The following CDH8 variants were observed in gnomAD, a reference collection of about 807,000 sequenced individuals.
CDH8 encodes the protein cadherin 8, also known as cadherin-8.
Under a neutral mutation model 68.1 loss-of-function variants are expected in CDH8, and 17 were observed. That is an observed-to-expected ratio of 0.25 (90% confidence interval 0.17 to 0.37). CDH8 has a LOEUF of 0.37. CDH8 is among the 10% of genes least tolerant of loss of function. The probability of loss-of-function intolerance (pLI) is 1.00; values close to 1 mark genes in which losing one functional copy is unlikely to be tolerated. For synonymous variants in CDH8, 372 were observed against 365.1 expected (o/e 1.02, Z -0.21); for missense variants, 763 against 999.3 (o/e 0.76, Z 3.19).
intron 2 of CDH8, among the ~76,000 whole-genome samples, chr16:62,007,387 A>C (rs1040186383): frequency 1.3e-5 from 2 of 152,222 alleles, no homozygotes; most frequent in African/African-American, 4.8e-5. Context: ...GATTTGAGGT[A>C]AAATGGCCAT....
intron 2 of CDH8, among the ~76,000 whole-genome samples, chr16:61,908,863 A>T (rs1446125656): frequency 1.3e-5 from 2 of 152,194 alleles, no homozygotes; most frequent in Non-Finnish European, 2.9e-5. Context: ...TAAGCATACG[A>T]ATACCCCAAA....
chr16:61,993,764 CACGT>C (rs1430462898), intron 2 of CDH8, among the ~76,000 whole-genome samples: 5 of 152,026 alleles, frequency 3.3e-5, no homozygotes, highest in Admixed American at 3.3e-4. Context: ...ATTTTATGCA[CACGT>C]AAGTATACAC....
At chr16:62,020,322 G>C (rs1321398961) in intron 2 of CDH8, among the ~76,000 whole-genome samples, 1 of 152,106 alleles carries the variant, frequency 6.6e-6, no homozygotes, top group Non-Finnish European at 1.5e-5. Flanking sequence ...ATGAAGATGT[G>C]CATCAAAATT....
intron 10 of CDH8, among the ~76,000 whole-genome samples, chr16:61,705,637 A>G (rs1336840993): frequency 6.6e-6 from 1 of 152,180 alleles, no homozygotes; most frequent in African/African-American, 2.4e-5. Context: ...GACGCACATC[A>G]CCATTCTGAC....
At chr16:61,900,516 T>C (rs1255927444) in intron 3 of CDH8, among the ~76,000 whole-genome samples, 1 of 152,168 alleles carries the variant, frequency 6.6e-6, no homozygotes, top group Admixed American at 6.6e-5. Context: ...TAGGGATAGA[T>C]AAGCAGATTC....
At chr16:61,801,253 T>C (rs1033526420) in intron 7 of CDH8, among the ~76,000 whole-genome samples, 3 of 152,210 alleles carry the variant, frequency 2.0e-5, no homozygotes, top group Admixed American at 2.0e-4. Flanking sequence ...TTATAACTAA[T>C]AGCCAGGTCT....
chr16:61,665,896 T>C (rs1342755523), intron 10 of CDH8, among the ~76,000 whole-genome samples: 2 of 147,514 alleles, frequency 1.4e-5, no homozygotes, highest in Admixed American at 6.8e-5. Flanking sequence ...CTTTCAGTTA[T>C]AGTAGTCCTC....
intron 7 of CDH8, among the ~76,000 whole-genome samples, chr16:61,800,534 C>G (rs566148207): frequency 3.3e-5 from 5 of 152,250 alleles, no homozygotes; most frequent in African/African-American, 9.6e-5. Flanking sequence ...ATATATTTTC[C>G]ATGACTTCGA....
rs539768717 is a variant in CDH8 at position 61,777,014 on chromosome 16, T to C, written c.1414+12332A>G. Among the ~76,000 whole-genome samples the C allele has an allele frequency of 5.3e-5, 8 of 152,000 alleles. No individual in the cohort carries two copies. In the South Asian group the frequency reaches 6.3e-4, roughly 12 times the overall value. ...AAAACTAAGCCACCACAGAGAGAAA[T>C]TGAGTAACTTAACAAAAGAGTGAGC... On this transcript the variant is annotated intron_variant, in intron 8 of 11. Transcript: ENST00000577390.
intron 3 of CDH8, among the ~76,000 whole-genome samples, chr16:61,859,643 G>A (rs1963115024): frequency 6.6e-6 from 1 of 152,150 alleles, no homozygotes; most frequent in Non-Finnish European, 1.5e-5. Context: ...TTAACACTGG[G>A]TAATGACAAT....
chr16:61,881,916 A>G (rs1264390110), intron 3 of CDH8, among the ~76,000 whole-genome samples: 2 of 152,322 alleles, frequency 1.3e-5, no homozygotes, highest in East Asian at 1.9e-4. Flanking sequence ...TCCTAAGCCT[A>G]ATCTTGGATC....
At chr16:61,678,211 G>A (rs948922547) in intron 10 of CDH8, among the ~76,000 whole-genome samples, 4 of 152,014 alleles carry the variant, frequency 2.6e-5, no homozygotes, top group East Asian at 3.9e-4. Flanking sequence ...GTGTTTGATT[G>A]AAGTCTCATG....
intron 10 of CDH8, among the ~76,000 whole-genome samples, chr16:61,709,316 C>A (rs1414756588): frequency 6.6e-6 from 1 of 151,998 alleles, no homozygotes; most frequent in African/African-American, 2.4e-5. Context: ...GCTAGGTATA[C>A]CTGGCTTAAG....
chr16:61,763,512 A>T (rs1960517125), intron 8 of CDH8, among the ~76,000 whole-genome samples: 1 of 152,116 alleles, frequency 6.6e-6, no homozygotes, highest in Non-Finnish European at 1.5e-5. Flanking sequence ...ACCGTAAAAT[A>T]ATACTGTTGG....
At chr16:62,012,372 T>A (rs1166979563) in intron 2 of CDH8, among the ~76,000 whole-genome samples, 2 of 152,220 alleles carry the variant, frequency 1.3e-5, no homozygotes, top group African/African-American at 4.8e-5. Flanking sequence ...CATTTAGCAA[T>A]GCAGAAAGAT....
chr16:61,990,197 T>C (rs1965691540), intron 2 of CDH8, among the ~76,000 whole-genome samples: 1 of 152,148 alleles, frequency 6.6e-6, no homozygotes, highest in African/African-American at 2.4e-5. Context: ...GATGTTGTTA[T>C]TACCTATTAT....
chr16:61,726,766 G>T (rs1959383154), intron 9 of CDH8: 1 of 374,436 alleles, frequency 2.7e-6, no homozygotes, highest in East Asian at 3.8e-5. Context: ...CTTGCTTCTT[G>T]TCATTTGAAA....
chr16:61,912,992 T>C (rs1964185132), intron 2 of CDH8, among the ~76,000 whole-genome samples: 1 of 152,182 alleles, frequency 6.6e-6, no homozygotes, highest in Non-Finnish European at 1.5e-5. Flanking sequence ...AAATACAGTG[T>C]AATAACTACT....
At chr16:61,816,684 T>C (rs2142999928) in intron 7 of CDH8, among the ~76,000 whole-genome samples, 1 of 152,224 alleles carries the variant, frequency 6.6e-6, no homozygotes, top group East Asian at 1.9e-4. Flanking sequence ...CAGTGTGCTT[T>C]CAGGAGAAAG....
Sources: gnomAD v4.1 joint callset for allele counts (sites outside exome capture counted in the v4.1 genomes callset) on GRCh38, gnomAD v4.1.1 for gene constraint, MANE v1.5 for transcripts, NCBI Gene and HGNC (gene_info 2026-07-23, HGNC 2026-07-21) for gene names.